ZRANB1: variants seen among roughly 807,000 people sequenced by gnomAD.
ZRANB1 encodes the protein zinc finger RANBP2-type containing 1, also known as ubiquitin thioesterase ZRANB1.
In ZRANB1, 16 loss-of-function variants were observed where a neutral mutation model predicts 80.5. The observed-to-expected ratio is 0.20, with a 90% CI of 0.13 to 0.30. The LOEUF (loss-of-function observed/expected upper bound fraction) is 0.30, where lower values mean the gene tolerates loss of function less well. Ranked by LOEUF, ZRANB1 falls within the 10% of genes least tolerant of loss-of-function variation. The pLI is 1.00. For synonymous variants in ZRANB1, 291 were observed against 293.1 expected (o/e 0.99, Z 0.07); for missense variants, 576 against 862.6 (o/e 0.67, Z 4.16).
chr10:124,936,988 C>T, the ZRANB1 span, among the ~76,000 whole-genome samples: 8 of 151,976 alleles, frequency 5.3e-5, no homozygotes, highest in East Asian at 1.2e-3. Flanking sequence ...AGAGTCTCGC[C>T]GGGCCGCCCG....
chr10:124,971,718 T>C (rs1951827697), intron 2 of ZRANB1, among the ~76,000 whole-genome samples: 1 of 152,238 alleles, frequency 6.6e-6, no homozygotes, highest in Non-Finnish European at 1.5e-5. Context: ...TGTGCATCTT[T>C]GAGTATTTCC....
the ZRANB1 span, among the ~76,000 whole-genome samples, chr10:124,924,419 A>G: frequency 6.6e-6 from 1 of 152,206 alleles, no homozygotes; most frequent in Middle Eastern, 3.4e-3. Flanking sequence ...ATTACCAACC[A>G]CTATATAATC....
intron 2 of ZRANB1, among the ~76,000 whole-genome samples, chr10:124,968,652 A>C (rs139563102): frequency 6.6e-6 from 1 of 152,236 alleles, no homozygotes; most frequent in East Asian, 1.9e-4. Flanking sequence ...AAGGGCTGTC[A>C]ATGTGGAGTT....
chr10:124,977,313 G>GTGGTGAGT (rs1951886447), intron 5 of ZRANB1, among the ~76,000 whole-genome samples: 1 of 140,044 alleles, frequency 7.1e-6, no homozygotes, highest in South Asian at 2.5e-4. Flanking sequence ...AAAGACATTT[G>GTGGTGAGT]TGGTGAGTAA....
At chr10:124,938,939 C>T (rs7906168), upstream of ZRANB1, among the ~76,000 whole-genome samples, 120,052 of 151,808 alleles carry the variant, frequency 0.79, 48,853 homozygotes, top group East Asian at 0.95. Context: ...CTCTTTGGGA[C>T]GCTGAGGCAG....
chr10:124,973,407 T>C (rs560965519), intron 3 of ZRANB1, among the ~76,000 whole-genome samples: 5 of 152,360 alleles, frequency 3.3e-5, no homozygotes, highest in South Asian at 4.1e-4. Context: ...TATGCTGGCC[T>C]CAGCCTCCCA....
chr10:124,922,187 C>T, the ZRANB1 span, among the ~76,000 whole-genome samples: 135,439 of 148,674 alleles, frequency 0.91, 62,110 homozygotes, highest in East Asian at 0.97. Context: ...TCAACCAATC[C>T]TCTTGCCTTG....
upstream of ZRANB1, among the ~76,000 whole-genome samples, chr10:124,937,256 G>A (rs1477825242): frequency 6.8e-6 from 1 of 146,284 alleles, no homozygotes; most frequent in Non-Finnish European, 1.5e-5. Flanking sequence ...CTGCAGTCTC[G>A]GCTCGCTGCA....
chr10:124,926,652 A>G, the ZRANB1 span, among the ~76,000 whole-genome samples: 63 of 152,234 alleles, frequency 4.1e-4, no homozygotes, highest in Non-Finnish European at 7.8e-4. Flanking sequence ...AGTAGGAGTA[A>G]CATTGTAAAA....
chr10:124,918,740 T>C, the ZRANB1 span, among the ~76,000 whole-genome samples: 2 of 152,366 alleles, frequency 1.3e-5, no homozygotes, highest in African/African-American at 2.4e-5. Context: ...CTCCTTGTTA[T>C]TATTTTGAAT....
chr10:124,965,331 AG>A (rs2134280038), intron 1 of ZRANB1, among the ~76,000 whole-genome samples: 1 of 152,306 alleles, frequency 6.6e-6, no homozygotes, highest in South Asian at 2.1e-4. Context: ...TGTTCGGGGC[AG>A]GGGGTCATTT....
At chr10:124,919,834 A>G in the ZRANB1 span, among the ~76,000 whole-genome samples, 1 of 143,898 alleles carries the variant, frequency 6.9e-6, no homozygotes, top group East Asian at 2.1e-4. Flanking sequence ...GATGGTCTCG[A>G]TCTCCTGACC....
At chr10:124,984,415 A>G (rs6597870) in intron 8 of ZRANB1, 167,280 of 191,980 alleles carry the variant, frequency 0.87, 73,138 homozygotes, top group East Asian at 0.96. Flanking sequence ...CGTAACTTGT[A>G]TAATTTCAGC....
chr10:124,919,335 A>G, the ZRANB1 span, among the ~76,000 whole-genome samples: 18 of 152,152 alleles, frequency 1.2e-4, no homozygotes, highest in Admixed American at 8.5e-4. Flanking sequence ...GCCTGAGGTC[A>G]GTAGTTCGAG....
At position 124,973,850 on chromosome 10, in the gene ZRANB1, A is replaced by G. The variant is rs575322541; in HGVS notation, c.1228+134A>G. The G allele has an allele frequency of 6.3e-6, 5 of 794,486 alleles. No individual in the cohort carries two copies. In the East Asian group the frequency reaches 1.0e-4, roughly 17 times the overall value. The allele number at this position is 794,486 out of a possible 1,614,324, so 49.2% of individuals were successfully genotyped here. On this transcript the variant is annotated intron_variant, in intron 4 of 8. Transcript: ENST00000359653. ...TTAAATTAAAGACGTAAAGTCCTGA[A>G]GTTCAGTGTTATATTGTATGGTTCA...
At chr10:124,972,222 C>A in intron 3 of ZRANB1, 104 bp downstream of exon 3, 1 of 1,017,350 alleles carries the variant, frequency 9.8e-7, no homozygotes, top group Non-Finnish European at 1.4e-6. Context: ...AACATAGCTA[C>A]TGTATGTGCA....
At chr10:124,931,670 C>T in the ZRANB1 span, among the ~76,000 whole-genome samples, 1 of 152,144 alleles carries the variant, frequency 6.6e-6, no homozygotes, top group African/African-American at 2.4e-5. Context: ...TGCGCCTGGC[C>T]TAAAAATACT....
Position 124,943,160 on chromosome 10 carries a change from G to A in ZRANB1, c.667G>A (p.Asp223Asn). Residue 223 changes from aspartate to asparagine, a missense_variant, in exon 1 of 9, where the codon GAC (aspartate) becomes AAC (asparagine). Physicochemically the swap from Asp to Asn is conservative, Grantham distance 23. This residue lies in a region of ZRANB1 where 411 missense variants were observed against 583.1 expected (regional missense o/e 0.70). Transcript: ENST00000359653. ...QRRSPPATKRDSEVKMDFQRI... is the reference protein window; with the variant it reads ...QRRSPPATKRNSEVKMDFQRI... ...GAGATCACCTCCTGCTACGAAGCGG[G>A]ACTCTGAAGTGAAAATGGATTTTCA... 2 of 1,614,214 alleles carry A rather than the reference G, an allele frequency of 1.2e-6. No homozygotes were observed. The highest frequency in any genetic ancestry group is 1.7e-6 in the Non-Finnish European group (2 of 1,180,042).
At chr10:124,981,939 C>A in intron 6 of ZRANB1, 110 bp downstream of exon 6, 1 of 1,353,472 alleles carries the variant, frequency 7.4e-7, no homozygotes, top group Non-Finnish European at 1.0e-6. Context: ...GAAAAGAATG[C>A]TTGACGTGGT....
Sources: gnomAD v4.1 joint callset for allele counts (sites outside exome capture counted in the v4.1 genomes callset) on GRCh38, gnomAD v4.1.1 for gene constraint, gnomAD v4.1.1 regional missense constraint, MANE v1.5 for transcripts, NCBI Gene and HGNC (gene_info 2026-07-23, HGNC 2026-07-21) for gene names.